SMARCB1: variants seen among roughly 807,000 people sequenced by gnomAD.
The protein encoded by SMARCB1 is SWI/SNF related BAF chromatin remodeling complex subunit B1.
SMARCB1 carries 5 observed loss-of-function variants against 49.0 expected under a neutral mutation model. That is an observed-to-expected ratio of 0.10 (90% CI 0.05 to 0.21). The LOEUF is 0.21. SMARCB1 is among the 10% of genes least tolerant of loss of function. The pLI, the probability that SMARCB1 is intolerant of heterozygous loss-of-function variation, is 1.00. For missense variants in SMARCB1, 226 were observed against 509.2 expected (o/e 0.44, Z 5.35); for synonymous variants, 201 against 200.1 (o/e 1.00, Z -0.04).
At chr22:23,823,319 T>TCTG (rs2030202818) in intron 6 of SMARCB1, 2 of 152,302 alleles carry the variant, frequency 1.3e-5, no homozygotes. Flanking sequence ...CCATGGGCTG[T>TCTG]CTGCTGCTGC....
At chr22:23,806,498 G>T (rs2145988723) in intron 5 of SMARCB1, among the ~76,000 whole-genome samples, 1 of 152,334 alleles carries the variant, frequency 6.6e-6, no homozygotes, top group African/African-American at 2.4e-5. Flanking sequence ...TGCCAAAATT[G>T]TTACTGATTT....
chr22:23,796,503 G>A (rs1469604782), intron 3 of SMARCB1, among the ~76,000 whole-genome samples: 1 of 152,180 alleles, frequency 6.6e-6, no homozygotes, highest in Non-Finnish European at 1.5e-5. Flanking sequence ...TTAAGAAAAA[G>A]GATTATTGTT....
chr22:23,834,568 G>A lies in SMARCB1; in HGVS notation c.*388G>A, dbSNP rs896991867. 2.9e-6 allele frequency: 2 copies of A among 685,538 alleles called. No individual in the cohort carries two copies. The highest frequency in any genetic ancestry group is 2.3e-5 in the African/African-American group (1 of 44,260). 42.5% of individuals were successfully genotyped at this position (685,538 alleles called of 1,614,324 possible). A position where few individuals can be genotyped will look rare whatever the true frequency, so the allele number is the denominator to read the frequency against. On this transcript the variant is annotated 3_prime_UTR_variant, in exon 9 of 9. Transcript: ENST00000644036. ...TTTAACATAAAAATAATGAGAGCCA[G>A]GAGTGGGGCCGGGGCCTGGGGGGAC...
intron 6 of SMARCB1, chr22:23,824,883 C>T (rs149257432): frequency 1.7e-5 from 7 of 416,708 alleles, no homozygotes; most frequent in African/African-American, 6.0e-5. Flanking sequence ...CACGTAAGAC[C>T]GATGGCAGCA....
chr22:23,796,039 C>A (rs191001018), intron 3 of SMARCB1, among the ~76,000 whole-genome samples: 1 of 152,044 alleles, frequency 6.6e-6, no homozygotes, highest in East Asian at 1.9e-4. Flanking sequence ...GTAATCCTCC[C>A]GCCTCGGCCT....
Position 23,835,043 on chromosome 22 carries a change from C to T in SMARCB1, c.*863C>T, listed in dbSNP as rs530627965. 4.3e-6 allele frequency: 6 copies of T among 1,407,148 alleles called. No homozygotes were observed. The African/African-American group carries it at 7.3e-5, about 17-fold the overall frequency. 87.2% of individuals were successfully genotyped at this position (1,407,148 alleles called of 1,614,324 possible). ...ATAGCCAGGTCAGCTGGGGCCCTTT[C>T]CCACCCCAGCAGGTGCTGTGGCCTG... On this transcript the variant is annotated 3_prime_UTR_variant, in exon 9 of 9. Transcript: ENST00000644036.
In SMARCB1 at chr22:23,834,807, C is replaced by A; in HGVS notation, c.*627C>A. The A allele has an allele frequency of 6.2e-7, 1 of 1,605,730 alleles. No individual in the cohort carries two copies. Among genetic ancestry groups the A allele is most frequent in the Non-Finnish European group, 8.5e-7 (1 of 1,176,570 alleles). Reference sequence around the variant, plus strand: ...TCTGCCTTTCAGGAACAGCCCTAACCCTGCTCCCCTTGCTTGGCCTCAGGA... The same window carrying A: ...TCTGCCTTTCAGGAACAGCCCTAACACTGCTCCCCTTGCTTGGCCTCAGGA... On this transcript the variant is annotated 3_prime_UTR_variant, in exon 9 of 9. Coordinates refer to ENST00000644036, the MANE Select transcript of SMARCB1 (RefSeq NM_003073.5).
intron 2 of SMARCB1, 91 bp from the exon 3 acceptor site, chr22:23,793,468 T>A (rs1928532670): frequency 1.5e-5 from 21 of 1,363,918 alleles, no homozygotes; most frequent in Non-Finnish European, 2.0e-5. Context: ...ACCTCCCGCA[T>A]GCGAGGACCT....
chr22:23,797,395 G>A (rs1193473388), intron 3 of SMARCB1, among the ~76,000 whole-genome samples: 1 of 141,992 alleles, frequency 7.0e-6, no homozygotes, highest in Non-Finnish European at 1.5e-5. Context: ...TGCAAGCTCC[G>A]CCTCCCAGGT....
chr22:23,793,260 C>G, intron 2 of SMARCB1: 1 of 460,364 alleles, frequency 2.2e-6, no homozygotes, highest in Non-Finnish European at 4.0e-6. Flanking sequence ...CCCCGCTGGT[C>G]GTGCTGTATT....
intron 1 of SMARCB1, among the ~76,000 whole-genome samples, chr22:23,788,839 T>C (rs1023061151): frequency 6.6e-6 from 1 of 152,074 alleles, no homozygotes; most frequent in African/African-American, 2.4e-5. Context: ...AGAACTTTAG[T>C]GTTAGCATTT....
intron 2 of SMARCB1, chr22:23,792,603 C>G (rs1928462168): frequency 6.1e-6 from 1 of 164,842 alleles, no homozygotes; most frequent in Non-Finnish European, 1.3e-5. Context: ...TGCCCTGGGC[C>G]TGGGTGTGTC....
rs573743275 is a variant in SMARCB1, at chr22:23,823,107, AC to A, written c.796-2116del. Reference sequence around the variant, plus strand: ...TGAGACTACAGACATGTACCACCTCACCTTTCTCAGAACAGCCTTTTGAATG... The same window carrying A: ...TGAGACTACAGACATGTACCACCTCACTTTCTCAGAACAGCCTTTTGAATG... On this transcript the variant is annotated intron_variant, in intron 6 of 8. Transcript: ENST00000644036. 4 of 149,674 alleles carry A rather than the reference AC, an allele frequency of 2.7e-5. No individual in the cohort carries two copies. The East Asian group carries it at 7.9e-4, about 30-fold the overall frequency. The allele number at this position is 149,674 out of a possible 1,614,324, so 9.3% of individuals were successfully genotyped here.
At position 23,816,952 on chromosome 22, in the gene SMARCB1, C is replaced by G. The variant is rs1930231354; in HGVS notation, c.795+16C>G. 1.2e-6 allele frequency: 2 copies of G among 1,610,850 alleles called. No homozygotes were observed. Among genetic ancestry groups the G allele is most frequent in the Non-Finnish European group, 1.7e-6 (2 of 1,177,796 alleles). ...CATCATCAAGGTAGGTGACTTCTCACCCAGCACTGGAGCCTTCCTGGCCCT... is the reference window on the plus strand; with the variant it reads ...CATCATCAAGGTAGGTGACTTCTCAGCCAGCACTGGAGCCTTCCTGGCCCT... On this transcript the variant is annotated intron_variant, in intron 6 of 8. Transcript: ENST00000644036.
intron 3 of SMARCB1, among the ~76,000 whole-genome samples, chr22:23,798,657 T>C (rs1281805688): frequency 6.6e-6 from 1 of 151,822 alleles, no homozygotes; most frequent in African/African-American, 2.4e-5. Flanking sequence ...GGGCCCAGAG[T>C]CCAGGCAGGT....
intron 2 of SMARCB1, 101 bp downstream of exon 2, chr22:23,791,995 C>A: frequency 1.5e-6 from 2 of 1,346,536 alleles, no homozygotes; most frequent in Non-Finnish European, 2.1e-6. Context: ...GCAGCCTTGG[C>A]CTTAGTCGGG....
intron 7 of SMARCB1, among the ~76,000 whole-genome samples, chr22:23,827,370 G>A (rs2030437278): frequency 6.6e-6 from 1 of 152,342 alleles, no homozygotes; most frequent in Admixed American, 6.5e-5. Context: ...CTGACCCGAA[G>A]GTGACCTGAG....
chr22:23,790,108 G>C (rs998143034), intron 1 of SMARCB1, among the ~76,000 whole-genome samples: 3 of 152,188 alleles, frequency 2.0e-5, no homozygotes, highest in African/African-American at 7.2e-5. Context: ...AGGAAAGCCA[G>C]GAAGGCAAGC....
At chr22:23,830,078 T>C (rs1183185477) in intron 7 of SMARCB1, among the ~76,000 whole-genome samples, 1 of 152,242 alleles carries the variant, frequency 6.6e-6, no homozygotes, top group Non-Finnish European at 1.5e-5. Context: ...TTGGGTTGTT[T>C]CCATTTTTCA....
Sources: allele counts gnomAD v4.1 joint callset (sites outside exome capture counted in the v4.1 genomes callset), GRCh38; gene constraint gnomAD v4.1.1; transcripts MANE v1.5; gene names NCBI Gene and HGNC (gene_info 2026-07-23, HGNC 2026-07-21).